NTM: variants seen among roughly 807,000 people sequenced by gnomAD.
NTM encodes neurotrimin, also known as IgLON family member 2.
NTM carries 13 observed loss-of-function variants against 42.1 expected under a neutral mutation model. That is an observed-to-expected ratio of 0.31 (90% confidence interval 0.20 to 0.49). The LOEUF is 0.49. Ranked by LOEUF, NTM falls within the 20% of genes least tolerant of loss-of-function variation. The pLI is 0.99. For missense variants in NTM, 373 were observed against 452.8 expected (o/e 0.82, Z 1.60); for synonymous variants, 187 against 179.2 (o/e 1.04, Z -0.35).
At chr11:131,545,348 A>AT (rs541605266) in intron 1 of NTM, among the ~76,000 whole-genome samples, 7 of 149,410 alleles carry the variant, frequency 4.7e-5, no homozygotes, top group African/African-American at 1.5e-4. Flanking sequence ...CTTTTCCTCC[A>AT]TTTTTTTCTC....
intron 4 of NTM, among the ~76,000 whole-genome samples, chr11:132,253,280 C>A (rs1433037565): frequency 6.6e-6 from 1 of 152,134 alleles, no homozygotes; most frequent in Non-Finnish European, 1.5e-5. Flanking sequence ...TCACTATGAT[C>A]CCACAGGAGA....
intron 7 of NTM, among the ~76,000 whole-genome samples, chr11:132,321,143 C>T (rs778074716): frequency 1.7e-4 from 26 of 152,272 alleles, no homozygotes; most frequent in East Asian, 9.7e-4. Context: ...AGGAATGCAG[C>T]TCCTCACCAG....
intron 1 of NTM, among the ~76,000 whole-genome samples, chr11:131,644,473 C>T (rs187622203): frequency 1.1e-4 from 16 of 152,256 alleles, no homozygotes; most frequent in East Asian, 1.9e-4. Flanking sequence ...GCCAGCAAAC[C>T]GTACCAACGA....
chr11:131,525,534 C>A (rs1045969096), intron 1 of NTM, among the ~76,000 whole-genome samples: 5 of 152,118 alleles, frequency 3.3e-5, no homozygotes, highest in Non-Finnish European at 5.9e-5. Flanking sequence ...CCAGAAGGAG[C>A]CTAGCTAATG....
chr11:132,030,974 A>C (rs965470201), intron 2 of NTM, among the ~76,000 whole-genome samples: 3 of 152,194 alleles, frequency 2.0e-5, no homozygotes, highest in Admixed American at 2.0e-4. Context: ...TGGGGCCCAG[A>C]CTGAGGAGCC....
At chr11:131,477,128 C>T (rs1049423253) in intron 1 of NTM, among the ~76,000 whole-genome samples, 5 of 151,958 alleles carry the variant, frequency 3.3e-5, no homozygotes, top group African/African-American at 9.7e-5. Flanking sequence ...AGGAGAAAGG[C>T]GAATGCAGAA....
At chr11:131,738,191 G>T (rs1008549225) in intron 1 of NTM, among the ~76,000 whole-genome samples, 1 of 152,140 alleles carries the variant, frequency 6.6e-6, no homozygotes, top group East Asian at 1.9e-4. Context: ...CTTTTGGATG[G>T]ACATGTGCAA....
chr11:131,719,447 G>A (rs1441871364), intron 1 of NTM, among the ~76,000 whole-genome samples: 6 of 152,190 alleles, frequency 3.9e-5, no homozygotes, highest in African/African-American at 1.4e-4. Flanking sequence ...AAAATGCATA[G>A]CTGTGAGAGC....
At chr11:132,064,089 G>A (rs1243552576) in intron 2 of NTM, among the ~76,000 whole-genome samples, 1 of 152,078 alleles carries the variant, frequency 6.6e-6, no homozygotes, top group African/African-American at 2.4e-5. Flanking sequence ...GAGAGGAGGA[G>A]GCAGAAAAGC....
chr11:131,730,719 T>TAAAAAAAAAAAAAA (rs2079541594), intron 1 of NTM, among the ~76,000 whole-genome samples: 4 of 108,770 alleles, frequency 3.7e-5, no homozygotes, highest in Admixed American at 8.6e-5. Flanking sequence ...CCCTATCTGT[T>TAAAAAAAAAAAAAA]AAAAGAAGAA....
chr11:132,154,107 C>T (rs2072621124), intron 3 of NTM, among the ~76,000 whole-genome samples: 1 of 152,078 alleles, frequency 6.6e-6, no homozygotes, highest in Non-Finnish European at 1.5e-5. Flanking sequence ...GGGCAGAGTT[C>T]CTGGGGTGAA....
chr11:131,715,988 G>T (rs2077655936), intron 1 of NTM, among the ~76,000 whole-genome samples: 1 of 152,160 alleles, frequency 6.6e-6, no homozygotes, highest in African/African-American at 2.4e-5. Context: ...TGGTGTCTTA[G>T]TCCTTTCAAG....
At chr11:132,012,786 G>C (rs559636223) in intron 2 of NTM, among the ~76,000 whole-genome samples, 1 of 152,272 alleles carries the variant, frequency 6.6e-6, no homozygotes, top group South Asian at 2.1e-4. Flanking sequence ...TCACAGAGTG[G>C]GTGGGAAGAA....
intron 1 of NTM, among the ~76,000 whole-genome samples, chr11:131,859,490 C>T (rs1228852766): frequency 6.6e-6 from 1 of 151,998 alleles, no homozygotes; most frequent in African/African-American, 2.4e-5. Flanking sequence ...TATCTTTCTC[C>T]CATTTTAACC....
chr11:131,670,217 T>G (rs2069878604), intron 1 of NTM, among the ~76,000 whole-genome samples: 1 of 152,134 alleles, frequency 6.6e-6, no homozygotes, highest in African/African-American at 2.4e-5. Context: ...CCACGTCCAG[T>G]ACCCACTCCA....
chr11:131,904,574 G>T (rs1388433896), intron 1 of NTM, among the ~76,000 whole-genome samples: 2 of 152,188 alleles, frequency 1.3e-5, no homozygotes, highest in African/African-American at 4.8e-5. Context: ...ACCTGAGCGT[G>T]TTGGGCCTTG....
chr11:131,983,359 A>C (rs2065561822), intron 2 of NTM, among the ~76,000 whole-genome samples: 1 of 149,618 alleles, frequency 6.7e-6, no homozygotes, highest in Non-Finnish European at 1.5e-5. Flanking sequence ...TAAAATGGAG[A>C]GTATAAAATT....
chr11:132,204,059 T>C (rs1489666255), intron 3 of NTM, among the ~76,000 whole-genome samples: 1 of 152,226 alleles, frequency 6.6e-6, no homozygotes, highest in Non-Finnish European at 1.5e-5. Flanking sequence ...CCTGAAATGC[T>C]TTTGGTTTCA....
intron 2 of NTM, among the ~76,000 whole-genome samples, chr11:131,923,232 C>T (rs1247971569): frequency 6.6e-6 from 1 of 152,112 alleles, no homozygotes; most frequent in Non-Finnish European, 1.5e-5. Context: ...ATTGCTACTC[C>T]CCCTAAAATG....
Sources: allele counts gnomAD v4.1 joint callset (sites outside exome capture counted in the v4.1 genomes callset), GRCh38; gene constraint gnomAD v4.1.1; transcripts MANE v1.5; gene names NCBI Gene and HGNC (gene_info 2026-07-23, HGNC 2026-07-21).